The following SORBS2 variants were observed in gnomAD, a reference collection of about 807,000 sequenced individuals.
The protein encoded by SORBS2 is sorbin and SH3 domain-containing protein 2.
In SORBS2, 46 loss-of-function variants were observed where a neutral mutation model predicts 97.7. The ratio of observed to expected loss-of-function variants is 0.47; its 90% confidence interval spans 0.37 to 0.60. The LOEUF (loss-of-function observed/expected upper bound fraction) is 0.60, where lower values mean the gene tolerates loss of function less well. SORBS2 is among the 20% of genes least tolerant of loss of function. SORBS2 has a pLI of 0.00. For synonymous variants in SORBS2, 476 were observed against 473.4 expected (o/e 1.01, Z -0.07); for missense variants, 1,316 against 1,282.3 (o/e 1.03, Z -0.40).
At chr4:185,826,489 T>C (rs1385111471) in intron 1 of SORBS2, among the ~76,000 whole-genome samples, 1 of 152,228 alleles carries the variant, frequency 6.6e-6, no homozygotes, top group Non-Finnish European at 1.5e-5. Context: ...AAACAAGTCA[T>C]CCTAGTCTCT....
At chr4:185,893,163 G>T (rs865984259) in intron 1 of SORBS2, among the ~76,000 whole-genome samples, 11 of 152,330 alleles carry the variant, frequency 7.2e-5, no homozygotes, top group African/African-American at 2.6e-4. Flanking sequence ...GGGTTGCTAT[G>T]CTGTGGAATG....
In SORBS2 at chr4:185,684,832, C is replaced by T. The variant is rs773006078; in HGVS notation, c.-197-6010G>A. 7 of 1,551,836 alleles carry T rather than the reference C, an allele frequency of 4.5e-6. No homozygotes were observed. The highest frequency in any genetic ancestry group is 2.0e-5 in the Admixed American group (1 of 51,000). ...ACAGACATGGCGGCACGTTTGCGAG[C>T]ACACCCACCGCTATCTGGAAGCAAA... On this transcript the variant is annotated intron_variant, in intron 2 of 20. Coordinates refer to the SORBS2 transcript ENST00000284776. This position sits in a 1 kb window ranked among gnomAD's most constrained non-coding sequence, Gnocchi z 4.2.
chr4:185,948,918 T>G (rs1006641249), intron 1 of SORBS2, among the ~76,000 whole-genome samples: 7 of 152,066 alleles, frequency 4.6e-5, no homozygotes, highest in Non-Finnish European at 5.9e-5. Flanking sequence ...GTGATCAATA[T>G]TAAATTAGAT....
At chr4:185,693,150 G>T (rs1435270242) in intron 2 of SORBS2, among the ~76,000 whole-genome samples, 1 of 152,156 alleles carries the variant, frequency 6.6e-6, no homozygotes, top group Non-Finnish European at 1.5e-5. Context: ...TAGGCCAACA[G>T]ACTCTGAAAA....
At chr4:185,685,366 T>C (rs1221438484) in intron 2 of SORBS2, among the ~76,000 whole-genome samples, 1 of 152,192 alleles carries the variant, frequency 6.6e-6, no homozygotes, top group East Asian at 1.9e-4. Context: ...ACAGGTATGA[T>C]ACATTTTTTT....
At chr4:185,789,561 T>C (rs1466369196) in intron 1 of SORBS2, among the ~76,000 whole-genome samples, 3 of 150,686 alleles carry the variant, frequency 2.0e-5, no homozygotes, top group Non-Finnish European at 3.0e-5. Context: ...AGAAATTAAA[T>C]ATAATTTCTT....
intron 1 of SORBS2, among the ~76,000 whole-genome samples, chr4:185,776,387 T>A (rs544314099): frequency 6.6e-6 from 1 of 152,304 alleles, no homozygotes; most frequent in African/African-American, 2.4e-5. Flanking sequence ...ACTTCAGGCT[T>A]CCATTGAGTC....
chr4:185,587,655 A>C, exon 15 of SORBS2: 1 of 1,613,452 alleles, frequency 6.2e-7, no homozygotes, highest in Non-Finnish European at 8.5e-7. Flanking sequence ...GTTTCCGGGG[A>C]AAGTACCAAA....
rs146234345 is a variant in SORBS2, at chr4:185,601,364, T to C, written c.2797-7429A>G. ...GAGACCGAGGGGATATATGCAATTC[T>C]GGGACTTGGCCTTCAAGGGAGAAGG... On this transcript the variant is annotated intron_variant, in intron 12 of 14. Coordinates refer to ENST00000418609, the Ensembl canonical transcript of SORBS2. 3.4e-3 allele frequency among the ~76,000 whole-genome samples: 522 copies of C among 152,298 alleles called. 3 individuals carry two copies. Among genetic ancestry groups the C allele is most frequent in the African/African-American group, 0.012 (499 of 41,562 alleles).
intron 2 of SORBS2, among the ~76,000 whole-genome samples, chr4:185,683,276 C>A (rs1582660902): frequency 6.6e-6 from 1 of 151,558 alleles, no homozygotes. Context: ...TAAATCTTTT[C>A]TATGAAGTCG....
Position 185,717,253 on chromosome 4 carries a change from T to A in SORBS2, c.-197-38431A>T, listed in dbSNP as rs551855802. On this transcript the variant is annotated intron_variant, in intron 2 of 20. Transcript: ENST00000284776. ...TAGGAGATGGCCGCTCTGTGTTTCC[T>A]TTGATTATAGGGCATAACCCTGCCA... 1.2e-4 allele frequency among the ~76,000 whole-genome samples: 19 copies of A among 152,360 alleles called. No individual in the cohort carries two copies. The South Asian group carries it at 3.5e-3, about 28-fold the overall frequency.
intron 1 of SORBS2, among the ~76,000 whole-genome samples, chr4:185,837,769 G>A (rs1240614275): frequency 6.6e-6 from 1 of 150,420 alleles, no homozygotes; most frequent in Non-Finnish European, 1.5e-5. Flanking sequence ...AATATGAAAA[G>A]AATCTCAAAA....
intron 2 of SORBS2, among the ~76,000 whole-genome samples, chr4:185,681,775 T>C (rs1204513927): frequency 6.6e-6 from 1 of 151,978 alleles, no homozygotes; most frequent in Non-Finnish European, 1.5e-5. Context: ...ATGTCAGGGG[T>C]GGAACTGGAT....
At chr4:185,802,137 A>G (rs2099133901) in intron 1 of SORBS2, among the ~76,000 whole-genome samples, 1 of 152,238 alleles carries the variant, frequency 6.6e-6, no homozygotes, top group African/African-American at 2.4e-5. Flanking sequence ...CTGGAACTCC[A>G]TTGCTTAAGA....
intron 4 of SORBS2, among the ~76,000 whole-genome samples, chr4:185,668,477 A>G (rs1243472820): frequency 2.0e-5 from 3 of 152,220 alleles, no homozygotes; most frequent in Non-Finnish European, 4.4e-5. Flanking sequence ...CATCACACTT[A>G]AATTTCTACA....
intron 1 of SORBS2, among the ~76,000 whole-genome samples, chr4:185,809,440 G>C (rs954695668): frequency 9.0e-6 from 1 of 110,876 alleles, no homozygotes; most frequent in Non-Finnish European, 1.7e-5. Flanking sequence ...GACTCTTCAG[G>C]GGGCACTGCA....
chr4:185,666,107 C>T (rs1343854050), intron 4 of SORBS2: 7 of 1,289,608 alleles, frequency 5.4e-6, no homozygotes, highest in South Asian at 2.5e-5. Context: ...AAAGGTACCA[C>T]GGAAGGAGGG....
At chr4:185,681,822 A>G (rs2097873197) in intron 2 of SORBS2, among the ~76,000 whole-genome samples, 1 of 152,160 alleles carries the variant, frequency 6.6e-6, no homozygotes, top group Non-Finnish European at 1.5e-5. Context: ...TCATTCTAAC[A>G]TGACAGCTTT....
At position 185,623,285 on chromosome 4, in the gene SORBS2, T is replaced by A. The variant is rs755752549; in HGVS notation, c.1844A>T (p.Asn615Ile). The stretch of plus-strand genomic sequence containing the variant: ...TTCAGTCTGTTTCTTAGGAGCCGAA[T>A]TTTTTTTCCTCCGGAAAGGCACAGG... The change falls in exon 7 of 15, where the codon AAT becomes ATT. Residue 615 changes from asparagine (N) to isoleucine (I), a missense_variant. Physicochemically the swap from Asn to Ile is moderately radical, Grantham distance 149. Transcript: ENST00000418609. This position sits in a 1 kb window ranked among gnomAD's most constrained non-coding sequence, Gnocchi z 6.4. 51 of 1,613,512 alleles carry A rather than the reference T, an allele frequency of 3.2e-5. No individual in the cohort carries two copies. Among genetic ancestry groups the A allele is most frequent in the Non-Finnish European group, 3.6e-5 (43 of 1,179,750 alleles).
Sources: allele counts gnomAD v4.1 joint callset (sites outside exome capture counted in the v4.1 genomes callset), GRCh38; gene constraint gnomAD v4.1.1; non-coding constraint Gnocchi (gnomAD v3.1); transcripts MANE v1.5; gene names NCBI Gene and HGNC (gene_info 2026-07-23, HGNC 2026-07-21).